Variants in KLRG2 observed in about 807,000 individuals in gnomAD.
The protein encoded by KLRG2 is killer cell lectin like receptor G2, also known as killer cell lectin-like receptor subfamily G member 2.
A neutral mutation model predicts 35.4 loss-of-function variants in KLRG2; 39 were observed. The observed-to-expected ratio is 1.10, with a 90% confidence interval of 0.85 to 1.44. KLRG2 has a LOEUF of 1.44. Ranked by LOEUF, KLRG2 falls within the 40% of genes most tolerant of loss-of-function variation. The pLI, the probability that KLRG2 is intolerant of heterozygous loss-of-function variation, is 0.00. For missense variants in KLRG2, 632 were observed against 570.9 expected (o/e 1.11, Z -1.09); for synonymous variants, 283 against 265.8 (o/e 1.06, Z -0.63).
rs749729779 is a variant in KLRG2 at position 139,482,935 on chromosome 7, G to A, written c.708C>T (p.Arg236=). The change falls in exon 1 of 5, where the codon CGC becomes CGT. Residue 236 remains arginine, a synonymous_variant. Transcript: ENST00000340940. ...LEKEDAALLP[R]AGLDGDEKLP... is the part of the protein sequence containing the mutation. ...GCTTCTCGTCGCCGTCCAACCCCGC[G>A]CGGGGCAACAGCGCCGCATCCTCCT... 34 of 1,493,780 alleles carry A rather than the reference G, an allele frequency of 2.3e-5. No individual in the cohort carries two copies. The African/African-American group carries it at 4.8e-4, about 21-fold the overall frequency. The allele number at this position is 1,493,780 out of a possible 1,614,324, so 92.5% of individuals were successfully genotyped here. A position where few individuals can be genotyped will look rare whatever the true frequency, so the allele number is the denominator to read the frequency against.
chr7:139,443,079 G>A, the KLRG2 span, among the ~76,000 whole-genome samples: 4 of 147,592 alleles, frequency 2.7e-5, no homozygotes, highest in African/African-American at 5.1e-5. Flanking sequence ...AAAAATAATG[G>A]AACAGGAAAA....
chr7:139,465,122 C>A (rs1401997529), intron 3 of KLRG2, among the ~76,000 whole-genome samples: 1 of 152,220 alleles, frequency 6.6e-6, no homozygotes, highest in Non-Finnish European at 1.5e-5. Flanking sequence ...CCAGCAAAGG[C>A]AGGCTATGCT....
chr7:139,444,119 A>G, the KLRG2 span, among the ~76,000 whole-genome samples: 2 of 152,164 alleles, frequency 1.3e-5, no homozygotes. Flanking sequence ...GCTCTTTCCA[A>G]CTTCTTCTGC....
downstream of KLRG2, among the ~76,000 whole-genome samples, chr7:139,450,121 CA>C (rs1234631158): frequency 6.6e-6 from 1 of 151,842 alleles, no homozygotes; most frequent in Non-Finnish European, 1.5e-5. Flanking sequence ...TGCCTCACTG[CA>C]ACCTCTGCCT....
At chr7:139,469,217 T>C (rs1796716584) in intron 3 of KLRG2, among the ~76,000 whole-genome samples, 1 of 152,234 alleles carries the variant, frequency 6.6e-6, no homozygotes, top group Non-Finnish European at 1.5e-5. Flanking sequence ...TGGAGTGCGG[T>C]GGTGCGATCT....
chr7:139,479,695 C>A lies in KLRG2; in HGVS notation c.937G>T (p.Ala313Ser), dbSNP rs1418843125. The A allele has an allele frequency of 1.2e-6, 2 of 1,613,900 alleles. No homozygotes were observed. Among genetic ancestry groups the A allele is most frequent in the African/African-American group, 2.7e-5 (2 of 74,934 alleles). ...HCYYFSAEAQ[A>S]WEASQAFCSA... is the part of the protein sequence containing the mutation. ...CAGAAAGCCTGGCTGGCTTCCCAGG[C>A]CTGCGCTTCTGCAGAGAAGTAGTAA... is the stretch of plus-strand genomic sequence containing the variant. The change falls in exon 3 of 5, where the codon GCC (alanine) becomes TCC (serine). Residue 313 changes from alanine to serine, a missense_variant. Physicochemically the swap from Ala to Ser is moderately conservative, Grantham distance 99. Coordinates refer to ENST00000340940, the MANE Select transcript of KLRG2 (RefSeq NM_198508.4).
the KLRG2 span, among the ~76,000 whole-genome samples, chr7:139,445,990 C>T: frequency 2.0e-4 from 30 of 151,460 alleles, no homozygotes; most frequent in Non-Finnish European, 3.7e-4. Flanking sequence ...CACCACCACA[C>T]CCGGCTAATG....
chr7:139,464,995 T>C (rs1796627115), intron 3 of KLRG2, among the ~76,000 whole-genome samples: 1 of 152,206 alleles, frequency 6.6e-6, no homozygotes, highest in Non-Finnish European at 1.5e-5. Flanking sequence ...TCCCACATTA[T>C]TCCTGATACC....
intron 3 of KLRG2, among the ~76,000 whole-genome samples, chr7:139,475,729 T>C (rs1796838997): frequency 6.6e-6 from 1 of 152,106 alleles, no homozygotes; most frequent in Non-Finnish European, 1.5e-5. Context: ...TGTGAGCTGC[T>C]CTAGCAAATT....
At position 139,474,188 on chromosome 7, in the gene KLRG2, T is replaced by G. The variant is rs577569136; in HGVS notation, c.1005+5439A>C. 1.1e-3 allele frequency among the ~76,000 whole-genome samples: 172 copies of G among 152,028 alleles called. 2 individuals carry two copies. The South Asian group carries it at 0.022, about 19-fold the overall frequency. On this transcript the variant is annotated intron_variant, in intron 3 of 4. Coordinates refer to ENST00000340940, the MANE Select transcript of KLRG2 (RefSeq NM_198508.4). ...TGTGCCACCATGCCTAGCTAAATTTTTGTGTGTGTGTATTTTTAGTAGAGA... is the reference window on the plus strand; with the variant it reads ...TGTGCCACCATGCCTAGCTAAATTTGTGTGTGTGTGTATTTTTAGTAGAGA...
chr7:139,453,855 A>G, intron 4 of KLRG2, 148 bp from the exon 5 acceptor site: 1 of 948,190 alleles, frequency 1.1e-6, no homozygotes, highest in Admixed American at 2.6e-5. Flanking sequence ...GTGGCACTGG[A>G]TGAATCCCCA....
intron 3 of KLRG2, among the ~76,000 whole-genome samples, chr7:139,466,383 C>A (rs147674135): frequency 0.09 from 13,708 of 152,012 alleles, 672 homozygotes; most frequent in Middle Eastern, 0.17. Flanking sequence ...GATAATGGAC[C>A]GGCCTTTATT....
At chr7:139,454,549 C>T (rs1340677758) in intron 3 of KLRG2, among the ~76,000 whole-genome samples, 1 of 152,062 alleles carries the variant, frequency 6.6e-6, no homozygotes, top group Non-Finnish European at 1.5e-5. Flanking sequence ...GGCACGGTGG[C>T]TCATGCCTGT....
intron 3 of KLRG2, among the ~76,000 whole-genome samples, chr7:139,478,183 A>G (rs1796887067): frequency 6.6e-6 from 1 of 151,754 alleles, no homozygotes; most frequent in Admixed American, 6.6e-5. Context: ...AGCCTGGGCA[A>G]CATAGCAAGA....
Position 139,479,784 on chromosome 7 carries a change from G to C in KLRG2, c.860-12C>G. ...CTGGCATCTGGCTCCTGCAAGCACA[G>C]AGACTGCTGGTGAGCTGCAGGGTAA... On this transcript the variant is annotated splice_polypyrimidine_tract_variant and intron_variant, in intron 2 of 4. Coordinates refer to ENST00000340940, the MANE Select transcript of KLRG2 (RefSeq NM_198508.4). 6.2e-7 allele frequency: 1 copy of C among 1,612,232 alleles called. No individual in the cohort carries two copies. Among genetic ancestry groups the C allele is most frequent in the Non-Finnish European group, 8.5e-7 (1 of 1,179,142 alleles).
the KLRG2 span, among the ~76,000 whole-genome samples, chr7:139,428,867 CTTTTAAATAGTTCAACAATTTGA>C: frequency 1.5e-5 from 1 of 66,768 alleles, no homozygotes; most frequent in Non-Finnish European, 2.5e-5. Context: ...CTGCAGCTTA[CTTTTAAATAGTTCAACAATTTGA>C]TAAACACATA....
intron 3 of KLRG2, among the ~76,000 whole-genome samples, chr7:139,460,598 G>A (rs1019803345): frequency 2.0e-5 from 3 of 151,952 alleles, no homozygotes; most frequent in Non-Finnish European, 4.4e-5. Flanking sequence ...GGGAGGTGGA[G>A]GCTGCAGCAA....
intron 3 of KLRG2, among the ~76,000 whole-genome samples, chr7:139,466,740 T>TAAAATAAA (rs1554404145): frequency 2.9e-5 from 4 of 138,482 alleles, no homozygotes; most frequent in African/African-American, 8.0e-5. Context: ...CTGCTAAAAA[T>TAAAATAAA]AAAATAAAAA....
chr7:139,482,062 C>T (rs1477632255), intron 1 of KLRG2, among the ~76,000 whole-genome samples: 1 of 152,168 alleles, frequency 6.6e-6, no homozygotes, highest in East Asian at 1.9e-4. Context: ...CTGTGTCAAG[C>T]TCCCCCTCCC....
Sources: allele counts gnomAD v4.1 joint callset (sites outside exome capture counted in the v4.1 genomes callset), GRCh38; gene constraint gnomAD v4.1.1; transcripts MANE v1.5; gene names NCBI Gene and HGNC (gene_info 2026-07-23, HGNC 2026-07-21).